PLXNA4: variants seen among roughly 807,000 people sequenced by gnomAD.
The protein encoded by PLXNA4 is plexin-A4.
A neutral mutation model predicts 191.8 loss-of-function variants in PLXNA4; 44 were observed. The ratio of observed to expected loss-of-function variants is 0.23; its 90% CI spans 0.18 to 0.29. The LOEUF is 0.29. Among genes scored for constraint, PLXNA4 ranks in the 10% least tolerant of loss-of-function variants. PLXNA4 has a pLI of 1.00. For synonymous variants in PLXNA4, 1,082 were observed against 1,009.5 expected (o/e 1.07, Z -1.36); for missense variants, 1,800 against 2,488.8 (o/e 0.72, Z 5.89).
chr7:132,523,352 C>A (rs971667782), intron 1 of PLXNA4, among the ~76,000 whole-genome samples: 1 of 152,184 alleles, frequency 6.6e-6, no homozygotes, highest in Non-Finnish European at 1.5e-5. Flanking sequence ...TCTGAGGTGA[C>A]ACTTGCAGGG....
chr7:132,298,037 C>T, intron 4 of PLXNA4, 54 bp downstream of exon 4: 1 of 1,610,330 alleles, frequency 6.2e-7, no homozygotes, highest in Non-Finnish European at 8.5e-7. Context: ...TACTGAGCCA[C>T]AGGCTAGTAT....
intron 3 of PLXNA4, among the ~76,000 whole-genome samples, chr7:132,452,847 C>G (rs192475089): frequency 6.6e-6 from 1 of 152,284 alleles, no homozygotes; most frequent in East Asian, 1.9e-4. Context: ...TGGCTATGAC[C>G]TTGGGTCACC....
chr7:132,269,694 C>A (rs1310753534), intron 4 of PLXNA4, among the ~76,000 whole-genome samples: 1 of 151,814 alleles, frequency 6.6e-6, no homozygotes, highest in Non-Finnish European at 1.5e-5. Flanking sequence ...TGTTGCCCTT[C>A]CAAAAACATA....
chr7:132,456,215 G>A (rs887886043), intron 3 of PLXNA4, among the ~76,000 whole-genome samples: 6 of 150,990 alleles, frequency 4.0e-5, no homozygotes, highest in African/African-American at 1.5e-4. Flanking sequence ...CAGGTCAAGC[G>A]ATTCTCCTGC....
chr7:132,598,070 T>C, intron 2 of PLXNA4, among the ~76,000 whole-genome samples: 1 of 152,186 alleles, frequency 6.6e-6, no homozygotes, highest in African/African-American at 2.4e-5. Flanking sequence ...ACTTGTGCTA[T>C]GTTGCCCTTC....
intron 1 of PLXNA4, among the ~76,000 whole-genome samples, chr7:132,530,685 G>T (rs2116433412): frequency 6.6e-6 from 1 of 152,310 alleles, no homozygotes; most frequent in African/African-American, 2.4e-5. Context: ...CTATTTGATG[G>T]TTCCTCAAAA....
intron 3 of PLXNA4, among the ~76,000 whole-genome samples, chr7:132,443,459 G>A (rs1014940685): frequency 1.3e-5 from 2 of 152,150 alleles, no homozygotes; most frequent in African/African-American, 2.4e-5. Context: ...CAGTGCAAAC[G>A]AGAAACTGAT....
chr7:132,179,648 G>A (rs3734990), intron 20 of PLXNA4, 39 bp downstream of exon 20: 70,768 of 1,596,528 alleles, frequency 0.044, 3,376 homozygotes, highest in African/African-American at 0.28. Context: ...ATGCACACAC[G>A]CACACACACA....
chr7:132,314,348 C>T (rs1008633622), intron 3 of PLXNA4, among the ~76,000 whole-genome samples: 1 of 152,152 alleles, frequency 6.6e-6, no homozygotes, highest in Non-Finnish European at 1.5e-5. Context: ...CCACACTGAC[C>T]TAAGACTTAA....
At chr7:132,190,098 A>G (rs1797040067) in intron 14 of PLXNA4, among the ~76,000 whole-genome samples, 1 of 152,044 alleles carries the variant, frequency 6.6e-6, no homozygotes, top group African/African-American at 2.4e-5. Context: ...CTCACCACCC[A>G]CCTTCTTCCT....
intron 1 of PLXNA4, among the ~76,000 whole-genome samples, chr7:132,535,438 C>G (rs1389401727): frequency 6.6e-6 from 1 of 152,168 alleles, no homozygotes; most frequent in Non-Finnish European, 1.5e-5. Context: ...ACCTCAAGAC[C>G]CAGCCCTTGG....
In PLXNA4 at chr7:132,202,768, C is replaced by A. The variant is rs781078322; in HGVS notation, c.2464G>T (p.Ala822Ser). Residue 822 changes from alanine (A) to serine (S), a missense_variant, in exon 12 of 32, where the codon GCA (alanine) becomes TCA (serine). Ala to Ser is a moderately conservative substitution (Grantham distance 99). Coordinates refer to ENST00000321063, the MANE Select transcript of PLXNA4 (RefSeq NM_020911.2). ...GLCLKADPDF[A>S]CGWCQGPGQC... is the part of the protein sequence containing the mutation. ...CCTGGGCCCTGGCACCAGCCACATG[C>A]GAAGTCTGGGTCAGCCTTGAGGCAC... The A allele has an allele frequency of 6.2e-7, 1 of 1,611,966 alleles. No individual in the cohort carries two copies. The highest frequency in any genetic ancestry group is 1.7e-5 in the Admixed American group (1 of 59,808).
chr7:132,183,929 A>G (rs565143284), intron 16 of PLXNA4, among the ~76,000 whole-genome samples: 1 of 152,312 alleles, frequency 6.6e-6, no homozygotes, highest in East Asian at 1.9e-4. Flanking sequence ...CAGTTACTCA[A>G]CTCTGCTGTT....
At chr7:132,274,448 T>C (rs1250868885) in intron 4 of PLXNA4, among the ~76,000 whole-genome samples, 1 of 152,140 alleles carries the variant, frequency 6.6e-6, no homozygotes, top group Admixed American at 6.5e-5. Context: ...ACATTAACAC[T>C]GGTACAATAC....
intron 3 of PLXNA4, among the ~76,000 whole-genome samples, chr7:132,334,252 C>CTTTCTTTTTTTTTTTT (rs1554417000): frequency 5.3e-5 from 4 of 75,610 alleles, no homozygotes; most frequent in African/African-American, 1.2e-4. Flanking sequence ...TTCTTTCTTT[C>CTTTCTTTTTTTTTTTT]TTTTTTTTTT....
chr7:132,522,497 G>A (rs1799228699), intron 1 of PLXNA4, among the ~76,000 whole-genome samples: 1 of 152,194 alleles, frequency 6.6e-6, no homozygotes, highest in Non-Finnish European at 1.5e-5. Flanking sequence ...GGCTGGGTGT[G>A]TTGACTCACG....
At chr7:132,254,129 A>T (rs1187734315) in intron 4 of PLXNA4, among the ~76,000 whole-genome samples, 1 of 152,028 alleles carries the variant, frequency 6.6e-6, no homozygotes, top group African/African-American at 2.4e-5. Flanking sequence ...GGCTGGAAAA[A>T]TCTCCAGGAG....
intron 3 of PLXNA4, among the ~76,000 whole-genome samples, chr7:132,322,266 T>C (rs1802202015): frequency 6.6e-6 from 1 of 150,404 alleles, no homozygotes; most frequent in Non-Finnish European, 1.5e-5. Context: ...CACTGCAGTC[T>C]CTGCTCTTGG....
chr7:132,175,003 C>G, intron 20 of PLXNA4, 83 bp from the exon 21 acceptor site: 1 of 1,573,702 alleles, frequency 6.4e-7, no homozygotes, highest in Admixed American at 1.7e-5. Flanking sequence ...AGAACCCTTA[C>G]CCAAGCCCCT....
Sources: gnomAD v4.1 joint callset for allele counts (sites outside exome capture counted in the v4.1 genomes callset) on GRCh38, gnomAD v4.1.1 for gene constraint, MANE v1.5 for transcripts, NCBI Gene and HGNC (gene_info 2026-07-23, HGNC 2026-07-21) for gene names.